ZFHX3: variants seen among roughly 807,000 people sequenced by gnomAD.
ZFHX3 encodes zinc finger homeobox protein 3.
In ZFHX3, 42 loss-of-function variants were observed where a neutral mutation model predicts 279.1. That is an observed-to-expected ratio of 0.15 (90% CI 0.12 to 0.19). ZFHX3 has a LOEUF of 0.19. Ranked by LOEUF, ZFHX3 falls within the 10% of genes least tolerant of loss-of-function variation. ZFHX3 has a pLI of 1.00. For missense variants in ZFHX3, 4,981 were observed against 4,754.0 expected (o/e 1.05, Z -1.40); for synonymous variants, 2,293 against 1,957.8 (o/e 1.17, Z -4.52).
At chr16:73,888,029 AG>A (rs1220866430) in intron 1 of ZFHX3, among the ~76,000 whole-genome samples, 2 of 152,158 alleles carry the variant, frequency 1.3e-5, no homozygotes, top group Admixed American at 1.3e-4. Context: ...AACAGCTCCC[AG>A]GAAGTGGATG....
At chr16:73,602,058 A>T (rs1416995431) in intron 2 of ZFHX3, among the ~76,000 whole-genome samples, 1 of 152,116 alleles carries the variant, frequency 6.6e-6, no homozygotes, top group African/African-American at 2.4e-5. Context: ...CTTGAACCTG[A>T]GAAGCTGAGG....
chr16:72,834,613 G>C (rs1433348755), intron 4 of ZFHX3, among the ~76,000 whole-genome samples: 1 of 152,126 alleles, frequency 6.6e-6, no homozygotes, highest in Non-Finnish European at 1.5e-5. Flanking sequence ...TGAAGGAGGA[G>C]AGCATGCCAA....
At chr16:73,327,570 G>A (rs193249598) in intron 3 of ZFHX3, among the ~76,000 whole-genome samples, 2 of 152,328 alleles carry the variant, frequency 1.3e-5, no homozygotes, top group Admixed American at 6.5e-5. Context: ...GCACCTGGCA[G>A]ATGAATGAAA....
intron 6 of ZFHX3, among the ~76,000 whole-genome samples, chr16:73,134,161 G>A (rs1966745765): frequency 6.6e-6 from 1 of 151,966 alleles, no homozygotes; most frequent in South Asian, 2.1e-4. Context: ...ATAGTAAATG[G>A]TAGAGCTACG....
chr16:73,714,285 G>T (rs764599086), intron 1 of ZFHX3, among the ~76,000 whole-genome samples: 1 of 151,882 alleles, frequency 6.6e-6, no homozygotes, highest in Non-Finnish European at 1.5e-5. Context: ...GCAATTGTTC[G>T]CTCTCCCCCA....
At chr16:73,785,934 G>A (rs769680692) in intron 1 of ZFHX3, among the ~76,000 whole-genome samples, 4 of 151,720 alleles carry the variant, frequency 2.6e-5, no homozygotes, top group African/African-American at 9.7e-5. Flanking sequence ...GCAATGGTGC[G>A]ATCTTGGCTC....
At chr16:73,661,586 G>T (rs1483627867) in intron 2 of ZFHX3, among the ~76,000 whole-genome samples, 3 of 152,138 alleles carry the variant, frequency 2.0e-5, no homozygotes, top group Non-Finnish European at 2.9e-5. Flanking sequence ...GTCAGGCGTG[G>T]TGGTGCATGC....
chr16:72,959,737 G>GAAAAGCGAGGGGAGAGGCCCA lies in ZFHX3; in HGVS notation c.408_409insTGGGCCTCTCCCCTCGCTTTT (p.Gln136_Pro137insTrpAlaSerProLeuAlaPhe). The GAAAAGCGAGGGGAGAGGCCCA allele has an allele frequency of 6.2e-7, 1 of 1,612,428 alleles. No homozygotes were observed. ...TCCACAATGTACGCGGAGCCGTCCGGCTGGTAGACGATCTCCCCGGCCAGG... is the reference window on the plus strand; with the variant it reads ...TCCACAATGTACGCGGAGCCGTCCGGAAAAGCGAGGGGAGAGGCCCACTGGTAGACGATCTCCCCGGCCAGG... On this transcript the variant is annotated inframe_insertion, in exon 2 of 10. Coordinates refer to ENST00000268489, the MANE Select transcript of ZFHX3 (RefSeq NM_006885.4).
At chr16:73,106,238 G>T (rs1036931140) in intron 7 of ZFHX3, among the ~76,000 whole-genome samples, 2 of 151,910 alleles carry the variant, frequency 1.3e-5, no homozygotes, top group African/African-American at 4.8e-5. Flanking sequence ...CCCACTGCTG[G>T]GTCCTAGGTG....
chr16:72,849,054 T>C lies in ZFHX3; in HGVS notation c.3449-19195A>G, dbSNP rs143670405. ...TTTCTTTCGTCTAGCAAAATTTTTC[T>C]TCCTAATGAAGCCCGGGGGTGGGGG... On this transcript the variant is annotated intron_variant, in intron 4 of 9. Coordinates refer to ENST00000268489, the MANE Select transcript of ZFHX3 (RefSeq NM_006885.4). Among the ~76,000 whole-genome samples, 550 of 152,194 alleles carry C rather than the reference T, an allele frequency of 3.6e-3. 4 individuals are homozygous for C. The highest frequency in any genetic ancestry group is 0.013 in the African/African-American group (530 of 41,532).
intron 4 of ZFHX3, among the ~76,000 whole-genome samples, chr16:73,276,182 T>C (rs1023501836): frequency 2.0e-5 from 3 of 151,148 alleles, no homozygotes; most frequent in Admixed American, 1.3e-4. Flanking sequence ...TCTTTCTTTT[T>C]TTTTTTTTTT....
chr16:73,462,170 A>T (rs925167028), intron 2 of ZFHX3, among the ~76,000 whole-genome samples: 1 of 152,118 alleles, frequency 6.6e-6, no homozygotes, highest in African/African-American at 2.4e-5. Context: ...TTGTTAGTAT[A>T]CAGAAGTGCA....
At chr16:73,139,378 G>A (rs148195483) in intron 6 of ZFHX3, among the ~76,000 whole-genome samples, 134 of 152,274 alleles carry the variant, frequency 8.8e-4, no homozygotes, top group African/African-American at 3.1e-3. Flanking sequence ...CTGATAGGAC[G>A]AAGTCCAGGT....
At chr16:73,183,793 A>T (rs988181147) in intron 5 of ZFHX3, among the ~76,000 whole-genome samples, 13 of 152,096 alleles carry the variant, frequency 8.5e-5, no homozygotes, top group South Asian at 4.2e-4. Flanking sequence ...GGAGATGGGG[A>T]GAAATTAATG....
chr16:73,742,350 G>C (rs11859310), intron 1 of ZFHX3, among the ~76,000 whole-genome samples: 17,927 of 152,128 alleles, frequency 0.12, 1,121 homozygotes, highest in East Asian at 0.18. Flanking sequence ...GTTTGAAGAG[G>C]GTGTGTGGGT....
intron 2 of ZFHX3, among the ~76,000 whole-genome samples, chr16:73,475,249 A>G (rs2018745450): frequency 6.6e-6 from 1 of 152,226 alleles, no homozygotes; most frequent in South Asian, 2.1e-4. Flanking sequence ...TGACTTTACG[A>G]TATTCGTGGA....
chr16:73,183,956 G>T (rs1201552304), intron 5 of ZFHX3, among the ~76,000 whole-genome samples: 2 of 152,198 alleles, frequency 1.3e-5, no homozygotes, highest in Admixed American at 1.3e-4. Flanking sequence ...TGTGAAACTG[G>T]CAGCAATTTA....
At chr16:73,648,056 G>A (rs1213590316) in intron 2 of ZFHX3, among the ~76,000 whole-genome samples, 1 of 152,136 alleles carries the variant, frequency 6.6e-6, no homozygotes, top group African/African-American at 2.4e-5. Flanking sequence ...AATGTAAATT[G>A]GGGCTACATT....
intron 1 of ZFHX3, among the ~76,000 whole-genome samples, chr16:73,819,965 C>G (rs548008090): frequency 6.6e-6 from 1 of 152,300 alleles, no homozygotes; most frequent in African/African-American, 2.4e-5. Context: ...CCCACCAACT[C>G]TTCTGCAATG....
Sources: allele counts gnomAD v4.1 joint callset (sites outside exome capture counted in the v4.1 genomes callset), GRCh38; gene constraint gnomAD v4.1.1; transcripts MANE v1.5; gene names NCBI Gene and HGNC (gene_info 2026-07-23, HGNC 2026-07-21).